Variants in NTRK3 observed in about 807,000 individuals in gnomAD.
NTRK3 encodes the protein neurotrophic receptor tyrosine kinase 3.
Under a neutral mutation model 91.7 loss-of-function variants are expected in NTRK3, and 24 were observed. That is an observed-to-expected ratio of 0.26 (90% confidence interval 0.19 to 0.37). The LOEUF (loss-of-function observed/expected upper bound fraction) is 0.37. Ranked by LOEUF, NTRK3 falls within the 10% of genes least tolerant of loss-of-function variation. The pLI is 1.00. For synonymous variants in NTRK3, 483 were observed against 404.0 expected, an observed-to-expected ratio of 1.20 and a Z score of -2.34; for missense variants, 880 against 1,068.9, an observed-to-expected ratio of 0.82 and a Z score of 2.46.
chr15:88,246,780 C>T (rs2052869229), intron 3 of NTRK3, among the ~76,000 whole-genome samples: 2 of 152,222 alleles, frequency 1.3e-5, no homozygotes, highest in South Asian at 4.1e-4. Context: ...TGGAGTCTCA[C>T]ATCCCTGGAC....
exon 14 of NTRK3, chr15:88,032,870 G>A (rs759925027): frequency 6.2e-7 from 1 of 1,613,814 alleles, no homozygotes; most frequent in Non-Finnish European, 8.5e-7. Flanking sequence ...TGTCCGGCTT[G>A]TGGCAGTTGT....
chr15:87,875,705 G>A (rs1423797676), exon 19 of NTRK3: 1 of 232,772 alleles, frequency 4.3e-6, no homozygotes, highest in Non-Finnish European at 8.5e-6. Flanking sequence ...TCCCCTGCTG[G>A]CTCTCACCCA....
At chr15:88,192,734 TTAAA>T (rs1356142733) in intron 3 of NTRK3, among the ~76,000 whole-genome samples, 5 of 152,098 alleles carry the variant, frequency 3.3e-5, no homozygotes, top group Admixed American at 3.3e-4. Flanking sequence ...CTTCTGGTCT[TTAAA>T]TATGCCAAGC....
chr15:87,971,562 C>A (rs548271004), intron 14 of NTRK3, among the ~76,000 whole-genome samples: 1 of 152,332 alleles, frequency 6.6e-6, no homozygotes, highest in Admixed American at 6.5e-5. Context: ...AGCAAGAGGG[C>A]AGAGCTTGGA....
At chr15:87,999,748 T>C (rs2075964924) in intron 14 of NTRK3, among the ~76,000 whole-genome samples, 1 of 152,152 alleles carries the variant, frequency 6.6e-6, no homozygotes, top group African/African-American at 2.4e-5. Context: ...TGAATTCAGA[T>C]GAGGAAGATG....
chr15:87,946,477 G>T (rs920783799), intron 14 of NTRK3, among the ~76,000 whole-genome samples: 1 of 152,194 alleles, frequency 6.6e-6, no homozygotes, highest in African/African-American at 2.4e-5. Flanking sequence ...CTACCTCGGT[G>T]CTTTGGCTAA....
intron 13 of NTRK3, among the ~76,000 whole-genome samples, chr15:88,067,034 A>C: frequency 1.3e-5 from 2 of 150,126 alleles, no homozygotes; most frequent in African/African-American, 2.5e-5. Context: ...CCCCCATCCC[A>C]CTCCAGCCCT....
intron 10 of NTRK3, among the ~76,000 whole-genome samples, chr15:88,130,792 C>T (rs941236381): frequency 5.3e-5 from 8 of 152,174 alleles, no homozygotes; most frequent in Admixed American, 3.3e-4. Flanking sequence ...AGGAACTCAA[C>T]GCAGTGTGTA....
At chr15:88,131,408 G>A (rs1567484156) in intron 10 of NTRK3, among the ~76,000 whole-genome samples, 1 of 152,158 alleles carries the variant, frequency 6.6e-6, no homozygotes, top group African/African-American at 2.4e-5. Flanking sequence ...TATGGTACAC[G>A]CAGTTCGGTT....
intron 12 of NTRK3, 116 bp downstream of exon 12, chr15:88,127,046 A>C: frequency 1.1e-6 from 1 of 893,446 alleles, no homozygotes; most frequent in South Asian, 1.4e-5. Flanking sequence ...TCAATTCATT[A>C]CTTTTTTTTT....
intron 13 of NTRK3, among the ~76,000 whole-genome samples, chr15:88,093,318 A>G (rs1385830953): frequency 6.6e-6 from 1 of 152,120 alleles, no homozygotes; most frequent in Admixed American, 6.5e-5. Flanking sequence ...GGGGGGAAGG[A>G]AGAAAGGAAG....
intron 14 of NTRK3, among the ~76,000 whole-genome samples, chr15:87,948,970 G>C (rs1256493962): frequency 6.6e-6 from 1 of 152,186 alleles, no homozygotes; most frequent in East Asian, 1.9e-4. Context: ...GCTGGCAGTT[G>C]CACAAGTCAA....
exon 19 of NTRK3, chr15:87,874,897 G>GAGCA (rs2064909086): frequency 4.3e-6 from 1 of 232,376 alleles, no homozygotes; most frequent in Non-Finnish European, 8.5e-6. Flanking sequence ...CAGGGGCTAG[G>GAGCA]AGCACAGCAC....
intron 14 of NTRK3, chr15:87,981,363 G>T (rs745806999): frequency 6.2e-6 from 10 of 1,613,766 alleles, no homozygotes; most frequent in Non-Finnish European, 7.6e-6. Flanking sequence ...AAAGACCCCT[G>T]GCAGAAGAGG....
chr15:88,216,541 G>C (rs1170568231), intron 3 of NTRK3, among the ~76,000 whole-genome samples: 2 of 152,212 alleles, frequency 1.3e-5, no homozygotes, highest in Non-Finnish European at 2.9e-5. Flanking sequence ...TTAGCAGTGA[G>C]ACCATCCCTT....
intron 3 of NTRK3, among the ~76,000 whole-genome samples, chr15:88,207,568 TAGG>T (rs1196370352): frequency 6.6e-6 from 1 of 152,218 alleles, no homozygotes; most frequent in Non-Finnish European, 1.5e-5. Context: ...AGCAGTATAT[TAGG>T]GGGACAAGAG....
At chr15:88,207,053 A>T (rs1373674869) in intron 3 of NTRK3, among the ~76,000 whole-genome samples, 2 of 152,168 alleles carry the variant, frequency 1.3e-5, no homozygotes, top group Non-Finnish European at 2.9e-5. Context: ...ACTCGGAGTC[A>T]CTGGCTTAGC....
rs1016057957 is a variant in NTRK3 at position 87,906,419 on chromosome 15, T to C, written c.2133+22772A>G. ...GAGATTAAGGGACTTTCTACAAAGA[T>C]GCTCCCCAAATAGATGAATCCACAG... On this transcript the variant is annotated intron_variant, in intron 17 of 18. Coordinates refer to ENST00000394480, the Ensembl canonical transcript of NTRK3. Among the ~76,000 whole-genome samples, 6 of 152,174 alleles carry C rather than the reference T, an allele frequency of 3.9e-5. No homozygotes were observed. The East Asian group carries it at 7.8e-4, about 20-fold the overall frequency.
intron 3 of NTRK3, among the ~76,000 whole-genome samples, chr15:88,193,805 A>G (rs984174340): frequency 7.9e-5 from 12 of 152,232 alleles, no homozygotes; most frequent in African/African-American, 2.6e-4. Flanking sequence ...ACATATAAAC[A>G]TGTTTTAGGA....
Sources: gnomAD v4.1 joint callset for allele counts (sites outside exome capture counted in the v4.1 genomes callset) on GRCh38, gnomAD v4.1.1 for gene constraint, MANE v1.5 for transcripts, NCBI Gene and HGNC (gene_info 2026-07-23, HGNC 2026-07-21) for gene names.